SEC24D: variants seen among roughly 807,000 people sequenced by gnomAD.
The protein encoded by SEC24D is SEC24 homolog D, COPII component.
SEC24D carries 69 observed loss-of-function variants against 116.9 expected under a neutral mutation model. That is an observed-to-expected ratio of 0.59 (90% CI 0.49 to 0.72). The LOEUF is 0.72. SEC24D is among the 30% of genes least tolerant of loss of function. SEC24D has a pLI of 0.00. For synonymous variants in SEC24D, 405 were observed against 442.8 expected (o/e 0.91, Z 1.07); for missense variants, 1,131 against 1,264.1 (o/e 0.89, Z 1.60).
rs1311274871 is a variant in SEC24D at position 118,723,479 on chromosome 4, C to A, written c.*36G>T. 6.3e-7 allele frequency: 1 copy of A among 1,590,064 alleles called. No homozygotes were observed. The highest frequency in any genetic ancestry group is 8.6e-7 in the Non-Finnish European group (1 of 1,169,096). On this transcript the variant is annotated 3_prime_UTR_variant, in exon 23 of 23. Transcript: ENST00000280551. ...TAGGCACCAAGAAGGAGATTATCTC[C>A]TTGGAAATGCAACATCAATGACAGA...
At chr4:118,756,289 G>GT (rs1727088858) in intron 11 of SEC24D, among the ~76,000 whole-genome samples, 2 of 152,132 alleles carry the variant, frequency 1.3e-5, no homozygotes, top group African/African-American at 4.8e-5. Flanking sequence ...GGAAACTACA[G>GT]TCACAAACAC....
chr4:118,817,505 C>T (rs1347470875), intron 3 of SEC24D, 93 bp from the exon 4 acceptor site: 46 of 1,111,012 alleles, frequency 4.1e-5, no homozygotes, highest in Non-Finnish European at 5.6e-5. Flanking sequence ...TAAATTAAGC[C>T]TGTCTAGTAG....
chr4:118,824,182 T>C (rs754829705), intron 3 of SEC24D, among the ~76,000 whole-genome samples: 3 of 152,178 alleles, frequency 2.0e-5, no homozygotes, highest in Non-Finnish European at 4.4e-5. Flanking sequence ...GGTCTCACTG[T>C]GTTGCCCAGG....
Position 118,835,982 on chromosome 4 carries a change from G to A in SEC24D, c.-83C>T, listed in dbSNP as rs938344886. On this transcript the variant is annotated 5_prime_UTR_variant, in exon 1 of 23. Coordinates refer to ENST00000280551, the MANE Select transcript of SEC24D (RefSeq NM_014822.4). ...ACCCCGCGGGCTTCCGAGCGCTGGCGGCTCTGCGCCTAGTGCCGGCAGCCC... is the reference window on the plus strand; with the variant it reads ...ACCCCGCGGGCTTCCGAGCGCTGGCAGCTCTGCGCCTAGTGCCGGCAGCCC... The A allele has an allele frequency of 1.4e-4, 22 of 152,260 alleles. No individual in the cohort carries two copies. The highest frequency in any genetic ancestry group is 3.9e-4 in the East Asian group (2 of 5,188). 9.4% of individuals were successfully genotyped at this position (152,260 alleles called of 1,614,324 possible). A position where few individuals can be genotyped will look rare whatever the true frequency, so the allele number is the denominator to read the frequency against.
At chr4:118,833,278 T>C in intron 2 of SEC24D, 1 of 212,032 alleles carries the variant, frequency 4.7e-6, no homozygotes, top group Non-Finnish European at 9.2e-6. Flanking sequence ...TCTTTTTTTA[T>C]TCAATGTTTA....
chr4:118,753,003 G>A, intron 11 of SEC24D, 115 bp from the exon 12 acceptor site: 1 of 739,766 alleles, frequency 1.4e-6, no homozygotes, highest in Non-Finnish European at 2.1e-6. Context: ...CATGTTTAAA[G>A]TTTTTGTCTT....
chr4:118,723,894 G>A (rs1470938792), intron 22 of SEC24D, among the ~76,000 whole-genome samples: 4 of 152,082 alleles, frequency 2.6e-5, no homozygotes, highest in African/African-American at 2.4e-5. Flanking sequence ...AGAGTGTTAC[G>A]GGAAAGGCTT....
chr4:118,768,596 T>C lies in SEC24D; in HGVS notation c.1042-285A>G, dbSNP rs559758319. Among the ~76,000 whole-genome samples the C allele has an allele frequency of 3.9e-4, 59 of 152,310 alleles. 1 individual carries two copies. Among genetic ancestry groups the C allele is most frequent in the Admixed American group, 3.3e-3 (50 of 15,306 alleles). ...TTTTAGTAGAGACGAGGTTTCGCCA[T>C]GTTGGCCAGGCTGGTCTCGAACTCC... On this transcript the variant is annotated intron_variant, in intron 8 of 22. Coordinates refer to ENST00000280551, the MANE Select transcript of SEC24D (RefSeq NM_014822.4).
chr4:118,788,366 A>G (rs1728745313), intron 8 of SEC24D, among the ~76,000 whole-genome samples: 1 of 152,228 alleles, frequency 6.6e-6, no homozygotes, highest in Non-Finnish European at 1.5e-5. Flanking sequence ...TGGAGGCCTA[A>G]GGTCACAATA....
intron 10 of SEC24D, among the ~76,000 whole-genome samples, chr4:118,760,810 C>T (rs555049857): frequency 1.0e-3 from 155 of 152,106 alleles, no homozygotes; most frequent in African/African-American, 3.5e-3. Context: ...CGGGTTCAAG[C>T]GATTCTCCTG....
intron 17 of SEC24D, 57 bp downstream of exon 17, chr4:118,740,606 T>C: frequency 6.3e-7 from 1 of 1,586,820 alleles, no homozygotes; most frequent in Non-Finnish European, 8.6e-7. Flanking sequence ...GTCTCCCCAC[T>C]GATCATTGTC....
intron 21 of SEC24D, chr4:118,729,514 TTCCA>T (rs1725579111): frequency 6.6e-6 from 1 of 152,136 alleles, no homozygotes; most frequent in Non-Finnish European, 1.5e-5. Context: ...GGATGGAAAA[TTCCA>T]TCCAAGTACT....
intron 2 of SEC24D, among the ~76,000 whole-genome samples, chr4:118,830,050 A>G (rs1356364117): frequency 6.6e-6 from 1 of 152,368 alleles, no homozygotes; most frequent in African/African-American, 2.4e-5. Context: ...TAAGGTATCT[A>G]AGGTTATTCA....
chr4:118,788,293 G>A (rs1467210317), intron 8 of SEC24D, among the ~76,000 whole-genome samples: 1 of 152,192 alleles, frequency 6.6e-6, no homozygotes, highest in Non-Finnish European at 1.5e-5. Flanking sequence ...GGAAAAGTAA[G>A]ACAGACACTA....
intron 9 of SEC24D, 138 bp from the exon 10 acceptor site, chr4:118,765,055 G>A (rs548231193): frequency 2.8e-5 from 16 of 566,962 alleles, no homozygotes; most frequent in South Asian, 9.3e-5. Flanking sequence ...GTAGTATACC[G>A]TAAATACCTA....
At chr4:118,824,437 T>C in intron 3 of SEC24D, among the ~76,000 whole-genome samples, 183 bp downstream of exon 3, 1 of 152,252 alleles carries the variant, frequency 6.6e-6, no homozygotes, top group Non-Finnish European at 1.5e-5. Flanking sequence ...TGAACCATCA[T>C]GCCCAGCCAT....
chr4:118,764,921 A>T lies in SEC24D; in HGVS notation c.1181-4T>A. 6.8e-7 allele frequency: 1 copy of T among 1,471,114 alleles called. No homozygotes were observed. The highest frequency in any genetic ancestry group is 9.5e-7 in the Non-Finnish European group (1 of 1,053,882). The allele number at this position is 1,471,114 out of a possible 1,614,324, so 91.1% of individuals were successfully genotyped here. A position where few individuals can be genotyped will look rare whatever the true frequency, so the allele number is the denominator to read the frequency against. On this transcript the variant is annotated splice_polypyrimidine_tract_variant and splice_region_variant and intron_variant, in intron 9 of 22. Transcript: ENST00000280551. The stretch of plus-strand genomic sequence containing the variant: ...TGTTGGAAATAGAATGGTGGAACTA[A>T]TAAAAACAAAATAGGAAAGAAAATA...
intron 8 of SEC24D, among the ~76,000 whole-genome samples, chr4:118,778,080 T>C (rs60266567): frequency 6.6e-6 from 1 of 152,346 alleles, no homozygotes; most frequent in African/African-American, 2.4e-5. Context: ...GATGGTAGTT[T>C]CTTTTGCTGT....
intron 22 of SEC24D, among the ~76,000 whole-genome samples, chr4:118,724,001 A>G (rs983791983): frequency 6.6e-6 from 1 of 152,240 alleles, no homozygotes; most frequent in South Asian, 2.1e-4. Context: ...CAGAGATACA[A>G]TTATGGCTGG....
Sources: gnomAD v4.1 joint callset for allele counts (sites outside exome capture counted in the v4.1 genomes callset) on GRCh38, gnomAD v4.1.1 for gene constraint, MANE v1.5 for transcripts, NCBI Gene and HGNC (gene_info 2026-07-23, HGNC 2026-07-21) for gene names.